Variants in ALDH5A1 observed in about 807,000 individuals in gnomAD.
ALDH5A1 encodes the protein aldehyde dehydrogenase 5 family member A1, also known as succinate-semialdehyde dehydrogenase, mitochondrial.
Under a neutral mutation model 54.7 loss-of-function variants are expected in ALDH5A1, and 33 were observed. The ratio of observed to expected loss-of-function variants is 0.60; its 90% CI spans 0.46 to 0.81. The LOEUF is 0.81. Ranked by LOEUF, ALDH5A1 falls within the 30% of genes least tolerant of loss-of-function variation. The pLI is 0.00. For synonymous variants in ALDH5A1, 294 were observed against 292.7 expected, an observed-to-expected ratio of 1.00 and a Z score of -0.05; for missense variants, 657 against 711.0, an observed-to-expected ratio of 0.92 and a Z score of 0.86.
At chr6:24,500,772 A>C (rs2744579) in intron 1 of ALDH5A1, among the ~76,000 whole-genome samples, 49,960 of 151,796 alleles carry the variant, frequency 0.33, 8,589 homozygotes, top group African/African-American at 0.39. Flanking sequence ...AACTTATTTT[A>C]TCTTTTATAA....
chr6:24,513,145 G>A (rs992639577), intron 4 of ALDH5A1, among the ~76,000 whole-genome samples: 1 of 151,354 alleles, frequency 6.6e-6, no homozygotes, highest in South Asian at 2.1e-4. Flanking sequence ...CTGCAGCCTC[G>A]ACCTCCCAGG....
intron 9 of ALDH5A1, among the ~76,000 whole-genome samples, chr6:24,533,173 T>C (rs1759967789): frequency 6.6e-6 from 1 of 152,180 alleles, no homozygotes; most frequent in Admixed American, 6.5e-5. Flanking sequence ...TACCCACTAA[T>C]GAATTTAACC....
chr6:24,505,431 C>G (rs896565388), intron 4 of ALDH5A1, among the ~76,000 whole-genome samples: 1 of 152,164 alleles, frequency 6.6e-6, no homozygotes, highest in East Asian at 1.9e-4. Flanking sequence ...TATGTCACTT[C>G]CCACCCCCCC....
intron 7 of ALDH5A1, among the ~76,000 whole-genome samples, chr6:24,526,980 A>C (rs1391273236): frequency 9.9e-4 from 24 of 24,236 alleles, no homozygotes; most frequent in Non-Finnish European, 1.7e-3. Context: ...GTGTGTATAT[A>C]TATATATATA....
At chr6:24,503,083 C>A (rs543346373) in intron 2 of ALDH5A1, among the ~76,000 whole-genome samples, 180 bp from the exon 3 acceptor site, 4 of 152,230 alleles carry the variant, frequency 2.6e-5, no homozygotes, top group Non-Finnish European at 5.9e-5. Flanking sequence ...TAGGGTGATA[C>A]ATTCATCATT....
intron 7 of ALDH5A1, among the ~76,000 whole-genome samples, chr6:24,524,540 G>A (rs1315073516): frequency 3.3e-5 from 5 of 152,176 alleles, no homozygotes; most frequent in African/African-American, 4.8e-5. Context: ...CCTCCACCCC[G>A]TGGGCAGTCA....
At chr6:24,503,496 C>G in intron 3 of ALDH5A1, 63 bp downstream of exon 3, 1 of 1,577,684 alleles carries the variant, frequency 6.3e-7, no homozygotes, top group East Asian at 2.2e-5. Context: ...GGAAACAATT[C>G]ATTCTTCCTC....
In ALDH5A1 at chr6:24,533,295, A is replaced by C. The variant is rs114506776; in HGVS notation, c.1403-212A>C. Among the ~76,000 whole-genome samples the C allele has an allele frequency of 0.021, 3,258 of 152,172 alleles. 56 individuals are homozygous for C. Among genetic ancestry groups the C allele is most frequent in the African/African-American group, 0.055 (2,286 of 41,502 alleles). ...AAAACAGGAAGAGGGTCTCGATAGG[A>C]GATAGTGAGAGTAGAATTGAAGCAA... On this transcript the variant is annotated intron_variant, in intron 9 of 9. Coordinates refer to ENST00000357578, the MANE Select transcript of ALDH5A1 (RefSeq NM_001080.3).
chr6:24,520,189 C>T (rs943704131), intron 5 of ALDH5A1, among the ~76,000 whole-genome samples: 8 of 152,188 alleles, frequency 5.3e-5, no homozygotes, highest in Admixed American at 2.6e-4. Context: ...CAGGTGCACA[C>T]TACCACACCC....
intron 8 of ALDH5A1, among the ~76,000 whole-genome samples, chr6:24,529,683 T>TTTA: frequency 7.0e-6 from 1 of 141,872 alleles, no homozygotes; most frequent in African/African-American, 2.6e-5. Context: ...TTTTTTTTTT[T>TTTA]TTTTTTTTGA....
intron 1 of ALDH5A1, 23 bp from the exon 2 acceptor site, chr6:24,502,500 C>T: frequency 6.4e-7 from 1 of 1,555,342 alleles, no homozygotes. Context: ...TATTACTTTT[C>T]TGCCTTGTTA....
At position 24,536,171 on chromosome 6, in the gene ALDH5A1, A is replaced by T. The variant is rs1760045182; in HGVS notation, c.*2459A>T. The T allele has an allele frequency of 6.6e-6, 1 of 152,254 alleles. No homozygotes were observed. Among genetic ancestry groups the T allele is most frequent in the South Asian group, 2.1e-4 (1 of 4,832 alleles). The allele number at this position is 152,254 out of a possible 1,614,324, so 9.4% of individuals were successfully genotyped here. On this transcript the variant is annotated 3_prime_UTR_variant, in exon 10 of 10. Coordinates refer to ENST00000357578, the MANE Select transcript of ALDH5A1 (RefSeq NM_001080.3). ...TTTAAAAATATATACATTTTACAAC[A>T]TGGACTAGAAAAGGACCATTAGATC...
intron 1 of ALDH5A1, among the ~76,000 whole-genome samples, chr6:24,500,223 G>C (rs984483719): frequency 6.6e-6 from 1 of 152,132 alleles, no homozygotes; most frequent in East Asian, 1.9e-4. Context: ...CCATTTTTAA[G>C]TGTACATTTC....
At chr6:24,532,755 A>G (rs1423132257) in intron 9 of ALDH5A1, among the ~76,000 whole-genome samples, 2 of 152,156 alleles carry the variant, frequency 1.3e-5, no homozygotes, top group Admixed American at 6.5e-5. Context: ...AGATGCCACT[A>G]TAGCTCTATA....
chr6:24,498,647 C>T (rs1160551650), intron 1 of ALDH5A1, among the ~76,000 whole-genome samples: 1 of 152,206 alleles, frequency 6.6e-6, no homozygotes, highest in African/African-American at 2.4e-5. Context: ...CTAGGATCTT[C>T]TCAGGGAACC....
At chr6:24,513,177 A>G (rs568150818) in intron 4 of ALDH5A1, among the ~76,000 whole-genome samples, 1 of 151,888 alleles carries the variant, frequency 6.6e-6, no homozygotes, top group African/African-American at 2.4e-5. Flanking sequence ...CTCCTGCCTC[A>G]GCCTCCCAAG....
intron 4 of ALDH5A1, among the ~76,000 whole-genome samples, chr6:24,514,512 G>T (rs1759523381): frequency 6.6e-6 from 1 of 152,152 alleles, no homozygotes; most frequent in South Asian, 2.1e-4. Flanking sequence ...GCTGAGGTGG[G>T]CGGATCACTT....
chr6:24,496,615 C>T (rs1186325102), intron 1 of ALDH5A1, among the ~76,000 whole-genome samples: 1 of 152,184 alleles, frequency 6.6e-6, no homozygotes. Context: ...GTCTTTGTAT[C>T]TCATCAGACC....
rs1326838891 is a variant in ALDH5A1, at chr6:24,536,460, G to A, written c.*2748G>A. On this transcript the variant is annotated 3_prime_UTR_variant, in exon 10 of 10. Coordinates refer to ENST00000357578, the MANE Select transcript of ALDH5A1 (RefSeq NM_001080.3). The stretch of plus-strand genomic sequence containing the variant: ...GGCAGAGTTGAATAGTTGGGACAGG[G>A]ACAGTATAGCCTGCAAAGCCTAAAA... 6.6e-6 allele frequency: 1 copy of A among 152,200 alleles called. No homozygotes were observed. Among genetic ancestry groups the A allele is most frequent in the Non-Finnish European group, 1.5e-5 (1 of 68,052 alleles). 9.4% of individuals were successfully genotyped at this position (152,200 alleles called of 1,614,324 possible).
Sources: allele counts gnomAD v4.1 joint callset (sites outside exome capture counted in the v4.1 genomes callset), GRCh38; gene constraint gnomAD v4.1.1; transcripts MANE v1.5; gene names NCBI Gene and HGNC (gene_info 2026-07-23, HGNC 2026-07-21).